Variants in GPR153 observed in about 807,000 individuals in gnomAD.
GPR153 encodes probable G protein-coupled receptor 153.
GPR153 carries 27 observed loss-of-function variants against 34.1 expected under a neutral mutation model. That is an observed-to-expected ratio of 0.79 (90% CI 0.58 to 1.09). The LOEUF (loss-of-function observed/expected upper bound fraction) is 1.09, where lower values mean the gene tolerates loss of function less well. Ranked by LOEUF, GPR153 falls within the 50% of genes least tolerant of loss-of-function variation. The pLI, the probability that GPR153 is intolerant of heterozygous loss-of-function variation, is 0.00. For missense variants in GPR153, 848 were observed against 860.2 expected, an observed-to-expected ratio of 0.99 and a Z score of 0.18; for synonymous variants, 408 against 405.4, an observed-to-expected ratio of 1.01 and a Z score of -0.08.
rs766302822 is a variant in GPR153 at position 6,249,450 on chromosome 1, C to T, written c.1718G>A (p.Gly573Glu). ...GCCGCCGCCCGCCGCGCGCAGCCCC[C>T]CGGGCTCGCCCCACGACGCGCTCAG... ...PGLSASWGEP[G>E]GLRAAGGGGS... is the part of the protein sequence containing the mutation. The change falls in exon 6 of 6, where the codon GGG (glycine) becomes GAG (glutamate). Residue 573 changes from glycine (G) to glutamate (E), a missense_variant. Transcript: ENST00000377893. The surrounding 1 kb of genome is among the most constrained non-coding windows in gnomAD (Gnocchi z 4.3). The T allele has an allele frequency of 3.5e-5, 47 of 1,350,528 alleles. No homozygotes were observed. The highest frequency in any genetic ancestry group is 7.4e-5 in the Admixed American group (2 of 27,180). 83.7% of individuals were successfully genotyped at this position (1,350,528 alleles called of 1,614,324 possible).
chr1:6,255,654 T>TTG (rs1553152923), intron 1 of GPR153, among the ~76,000 whole-genome samples: 1 of 128,556 alleles, frequency 7.8e-6, no homozygotes, highest in Non-Finnish European at 1.6e-5. Context: ...TTTTTTTTTT[T>TTG]TTTTTTTTTT....
At chr1:6,252,522 T>C (rs1299053782) in intron 3 of GPR153, among the ~76,000 whole-genome samples, 4 of 152,078 alleles carry the variant, frequency 2.6e-5, no homozygotes, top group Non-Finnish European at 5.9e-5. Context: ...ACTGTACACA[T>C]GAGGACCCTT....
chr1:6,256,967 T>C lies in GPR153; in HGVS notation c.-109-1953A>G, dbSNP rs566981367. On this transcript the variant is annotated intron_variant, in intron 1 of 5. Transcript: ENST00000377893. ...CGCCCCGGGAGGACCCTCCTGCCCA[T>C]GTCCCTGACACCCAGGGGCTGTATA... Among the ~76,000 whole-genome samples, 36 of 152,310 alleles carry C rather than the reference T, an allele frequency of 2.4e-4. No individual in the cohort carries two copies. In the South Asian group the frequency reaches 7.0e-3, roughly 30 times the overall value.
chr1:6,250,389 A>G (rs1379464445), intron 5 of GPR153, 51 bp downstream of exon 5: 5 of 1,516,960 alleles, frequency 3.3e-6, no homozygotes, highest in Non-Finnish European at 3.5e-6. Context: ...CGGGGAGCTC[A>G]GGACACCCTG....
Position 6,251,337 on chromosome 1 carries a change from CCAT to C in GPR153, c.977_979del (p.Asp326del). On this transcript the variant is annotated inframe_deletion and splice_region_variant, in exon 4 of 6. Coordinates refer to ENST00000377893, the MANE Select transcript of GPR153 (RefSeq NM_207370.4). The surrounding 1 kb of genome is among the most constrained non-coding windows in gnomAD (Gnocchi z 4.9). ...TGGGGCCACTCTCAGGCCATCCTCA[CCAT>C]CGTCTGACTCCTCGTCGTTGGCCAT... 6.2e-7 allele frequency: 1 copy of C among 1,600,292 alleles called. No individual in the cohort carries two copies. Among genetic ancestry groups the C allele is most frequent in the South Asian group, 1.1e-5 (1 of 89,196 alleles).
chr1:6,250,034 G>A, intron 5 of GPR153, 31 bp from the exon 6 acceptor site: 1 of 1,256,656 alleles, frequency 8.0e-7, no homozygotes, highest in Non-Finnish European at 1.0e-6. Context: ...TTTACCCCGA[G>A]CTGCCCTCCT....
At chr1:6,260,534 G>A (rs1311061680) in intron 1 of GPR153, among the ~76,000 whole-genome samples, 1 of 151,896 alleles carries the variant, frequency 6.6e-6, no homozygotes, top group Non-Finnish European at 1.5e-5. Flanking sequence ...GGGTTGCGCC[G>A]AGCAGGGGCG....
At chr1:6,253,171 C>A (rs2100988133) in intron 3 of GPR153, among the ~76,000 whole-genome samples, 1 of 152,268 alleles carries the variant, frequency 6.6e-6, no homozygotes, top group East Asian at 1.9e-4. Context: ...ATGGGCAGAT[C>A]ACCTGAGGTC....
At chr1:6,255,641 C>T (rs953436579) in intron 1 of GPR153, among the ~76,000 whole-genome samples, 6 of 35,176 alleles carry the variant, frequency 1.7e-4, no homozygotes, top group African/African-American at 4.2e-4. Flanking sequence ...TGCCTGGCTA[C>T]GTTTTTTTTT....
chr1:6,256,189 C>T (rs1392737973), intron 1 of GPR153, among the ~76,000 whole-genome samples: 1 of 152,184 alleles, frequency 6.6e-6, no homozygotes, highest in Non-Finnish European at 1.5e-5. Flanking sequence ...AGCTTTCCCT[C>T]TTCTGCCATG....
At position 6,251,242 on chromosome 1, in the gene GPR153, T is replaced by C; in HGVS notation, c.979+96A>G. On this transcript the variant is annotated intron_variant, in intron 4 of 5. Coordinates refer to ENST00000377893, the MANE Select transcript of GPR153 (RefSeq NM_207370.4). This position sits in a 1 kb window ranked among gnomAD's most constrained non-coding sequence, Gnocchi z 4.9. ...TCTGGTGGTTGAGAATGAAGTCACC[T>C]CCTTAGTGGCGTTGCCTGACAGCCG... is the stretch of plus-strand genomic sequence containing the variant. 1 of 934,676 alleles carries C rather than the reference T, an allele frequency of 1.1e-6. No individual in the cohort carries two copies. Among genetic ancestry groups the C allele is most frequent in the Non-Finnish European group, 1.6e-6 (1 of 610,610 alleles). 57.9% of individuals were successfully genotyped at this position (934,676 alleles called of 1,614,324 possible).
intron 1 of GPR153, 129 bp from the exon 2 acceptor site, chr1:6,255,143 TTTAA>T: frequency 2.4e-6 from 1 of 420,854 alleles, no homozygotes; most frequent in Non-Finnish European, 4.2e-6. Flanking sequence ...CATGTTGAAA[TTTAA>T]TTAAAACGTG....
At chr1:6,260,201 G>C (rs1273324711) in intron 1 of GPR153, among the ~76,000 whole-genome samples, 1 of 152,158 alleles carries the variant, frequency 6.6e-6, no homozygotes, top group Non-Finnish European at 1.5e-5. Context: ...CCCGGGCTCT[G>C]GCTGCGCCCC....
chr1:6,260,344 G>A (rs1011838136), intron 1 of GPR153, among the ~76,000 whole-genome samples: 1 of 31,936 alleles, frequency 3.1e-5, no homozygotes, highest in African/African-American at 1.8e-4. Flanking sequence ...CCCAGCCCCC[G>A]CCCCTACAGT....
Position 6,249,711 on chromosome 1 carries a change from C to T in GPR153, c.1457G>A (p.Arg486His). ...RDSPPGSPRR[R>H]PGPGPRSASA... ...GGCGGAGCGGGGGCCGGGCCCGGGG[C>T]GGCGGCGCGGGCTGCCGGGGGGCGA... The change falls in exon 6 of 6, where the codon CGC becomes CAC. Residue 486 changes from arginine (R) to histidine (H), a missense_variant. Physicochemically the swap from Arg to His is conservative, Grantham distance 29 (BLOSUM62 0). Transcript: ENST00000377893. The surrounding 1 kb of genome is among the most constrained non-coding windows in gnomAD (Gnocchi z 4.3). The T allele has an allele frequency of 4.8e-6, 5 of 1,032,796 alleles. No homozygotes were observed. Among genetic ancestry groups the T allele is most frequent in the Non-Finnish European group, 5.8e-6 (5 of 863,044 alleles). 64.0% of individuals were successfully genotyped at this position (1,032,796 alleles called of 1,614,324 possible).
At chr1:6,256,607 T>C (rs773842337) in intron 1 of GPR153, among the ~76,000 whole-genome samples, 11 of 152,000 alleles carry the variant, frequency 7.2e-5, no homozygotes, top group Non-Finnish European at 1.3e-4. Flanking sequence ...TGACCTCAAG[T>C]GACCTGCCCA....
At position 6,253,895 on chromosome 1, in the gene GPR153, C is replaced by G. The variant is rs1638504393; in HGVS notation, c.609G>C (p.Val203=). The G allele has an allele frequency of 6.2e-7, 1 of 1,606,812 alleles. No individual in the cohort carries two copies. The highest frequency in any genetic ancestry group is 1.3e-5 in the African/African-American group (1 of 74,240). ...AGGCGCGGCGGTCGGCCTGGCGCCC[C>G]ACCTGCACGGCCAGCGTCTGGAAGA... ...IALFQTLAVQ[V]GRQADRRAFT... The change falls in exon 3 of 6, where the codon GTG becomes GTC. Residue 203 remains valine, a synonymous_variant. Transcript: ENST00000377893.
At chr1:6,260,650 G>A (rs1271664028) in intron 1 of GPR153, among the ~76,000 whole-genome samples, 175 bp downstream of exon 1, 1 of 151,944 alleles carries the variant, frequency 6.6e-6, no homozygotes, top group Non-Finnish European at 1.5e-5. Context: ...CTGGCCCCAG[G>A]GAAGTTACCC....
At chr1:6,257,078 C>A (rs987257293) in intron 1 of GPR153, among the ~76,000 whole-genome samples, 2 of 152,232 alleles carry the variant, frequency 1.3e-5, no homozygotes, top group Admixed American at 1.3e-4. Flanking sequence ...AGGTTACCTG[C>A]ATCCTCAGGG....
Sources: allele counts gnomAD v4.1 joint callset (sites outside exome capture counted in the v4.1 genomes callset), GRCh38; gene constraint gnomAD v4.1.1; non-coding constraint Gnocchi (gnomAD v3.1); transcripts MANE v1.5; gene names NCBI Gene and HGNC (gene_info 2026-07-23, HGNC 2026-07-21).